Variants in NRG3 observed in about 807,000 individuals in gnomAD.
NRG3 encodes the protein neuregulin 3.
NRG3 carries 31 observed loss-of-function variants against 66.9 expected under a neutral mutation model. The observed-to-expected ratio is 0.46, with a 90% CI of 0.35 to 0.63. NRG3 has a LOEUF of 0.63. Among genes scored for constraint, NRG3 ranks in the 20% least tolerant of loss-of-function variants. The pLI is 0.00. For synonymous variants in NRG3, 393 were observed against 359.4 expected (o/e 1.09, Z -1.06); for missense variants, 910 against 878.9 (o/e 1.04, Z -0.45).
At chr10:82,825,237 T>C (rs1313609565) in intron 3 of NRG3, among the ~76,000 whole-genome samples, 1 of 152,204 alleles carries the variant, frequency 6.6e-6, no homozygotes, top group African/African-American at 2.4e-5. Context: ...TAAAAAATCA[T>C]TGCCTAACCC....
chr10:82,116,412 A>G (rs977207953), intron 1 of NRG3, among the ~76,000 whole-genome samples: 1 of 152,126 alleles, frequency 6.6e-6, no homozygotes, highest in Non-Finnish European at 1.5e-5. Flanking sequence ...CTTTACAGGA[A>G]TAGGAAGTGC....
At chr10:82,901,178 A>G (rs1229849689) in intron 4 of NRG3, among the ~76,000 whole-genome samples, 2 of 152,210 alleles carry the variant, frequency 1.3e-5, no homozygotes, top group Admixed American at 6.5e-5. Flanking sequence ...TGAGTGTTTT[A>G]ATATGTCAGG....
At chr10:82,493,537 A>T (rs7099818) in intron 2 of NRG3, among the ~76,000 whole-genome samples, 1 of 152,282 alleles carries the variant, frequency 6.6e-6, no homozygotes, top group East Asian at 1.9e-4. Flanking sequence ...TCACTGATGG[A>T]CATTTGGGTT....
chr10:82,382,980 G>A (rs2085720087), intron 2 of NRG3, among the ~76,000 whole-genome samples: 1 of 151,912 alleles, frequency 6.6e-6, no homozygotes, highest in East Asian at 1.9e-4. Context: ...TAGTGAGATT[G>A]GCCTGGCCTA....
rs544144014 is a variant in NRG3 at position 82,086,270 on chromosome 10, G to C, written c.823+210107G>C. ...TTTTCTTTTTGAACTTCCTCTACGA[G>C]AGTTTTAAAGTAAGTTATCCATATT... On this transcript the variant is annotated intron_variant, in intron 1 of 8. Transcript: ENST00000372141. Among the ~76,000 whole-genome samples the C allele has an allele frequency of 5.9e-5, 9 of 152,198 alleles. No homozygotes were observed. In the East Asian group the frequency reaches 1.4e-3, roughly 23 times the overall value.
At chr10:82,509,731 T>C (rs1286586983) in intron 2 of NRG3, among the ~76,000 whole-genome samples, 1 of 152,160 alleles carries the variant, frequency 6.6e-6, no homozygotes, top group Non-Finnish European at 1.5e-5. Context: ...ACACATAGGA[T>C]TATTGAATTC....
intron 2 of NRG3, among the ~76,000 whole-genome samples, chr10:82,455,927 T>C (rs978998943): frequency 5.9e-5 from 9 of 152,102 alleles, no homozygotes; most frequent in Admixed American, 3.9e-4. Context: ...TAGATTACAC[T>C]AAACTTATTT....
intron 1 of NRG3, chr10:82,230,064 G>A (rs2076380341): frequency 6.6e-6 from 1 of 152,114 alleles, no homozygotes; most frequent in African/African-American, 2.4e-5. Context: ...CGAATATATG[G>A]AGAAAAAAAA....
intron 3 of NRG3, among the ~76,000 whole-genome samples, chr10:82,828,156 A>G (rs1458252614): frequency 1.3e-5 from 2 of 152,152 alleles, no homozygotes; most frequent in Non-Finnish European, 2.9e-5. Context: ...AGGAGGGTTC[A>G]GCCAAGCCAT....
intron 1 of NRG3, among the ~76,000 whole-genome samples, chr10:82,156,218 A>G (rs562813824): frequency 8.4e-4 from 128 of 151,764 alleles, no homozygotes; most frequent in Non-Finnish European, 1.6e-3. Context: ...AAGTATATCA[A>G]TCTACACTTA....
rs921298532 is a variant in NRG3 at position 82,615,350 on chromosome 10, A to G, written c.954-123227A>G. Among the ~76,000 whole-genome samples, 3 of 152,208 alleles carry G rather than the reference A, an allele frequency of 2.0e-5. No individual in the cohort carries two copies. The South Asian group carries it at 6.2e-4, about 31-fold the overall frequency. On this transcript the variant is annotated intron_variant, in intron 2 of 8. Coordinates refer to ENST00000372141, the MANE Select transcript of NRG3 (RefSeq NM_001010848.4). ...GTATTCCACTGAAGATGCATGGAAT[A>G]TAATTGTATATTCATTATAATTGAA...
intron 2 of NRG3, among the ~76,000 whole-genome samples, chr10:82,375,939 A>T (rs912114447): frequency 2.6e-5 from 4 of 152,256 alleles, no homozygotes; most frequent in African/African-American, 7.2e-5. Context: ...TAGCTGTTCT[A>T]TGTGTTGAAG....
At chr10:82,002,670 A>G (rs541870385) in intron 1 of NRG3, among the ~76,000 whole-genome samples, 1 of 152,170 alleles carries the variant, frequency 6.6e-6, no homozygotes, top group Non-Finnish European at 1.5e-5. Context: ...GTTAAATATT[A>G]TATGGTTTTG....
intron 2 of NRG3, among the ~76,000 whole-genome samples, chr10:82,387,094 C>G (rs549449948): frequency 6.6e-6 from 1 of 152,222 alleles, no homozygotes; most frequent in African/African-American, 2.4e-5. Context: ...GCCACCGCAC[C>G]CAGCCTTGAC....
intron 2 of NRG3, among the ~76,000 whole-genome samples, chr10:82,522,470 A>C (rs541992541): frequency 1.1e-4 from 16 of 152,194 alleles, no homozygotes; most frequent in African/African-American, 1.4e-4. Flanking sequence ...CACAATAATA[A>C]CATCAAAAAT....
intron 1 of NRG3, among the ~76,000 whole-genome samples, chr10:82,078,071 TTCTC>T (rs2065186979): frequency 6.6e-6 from 1 of 152,150 alleles, no homozygotes; most frequent in Admixed American, 6.5e-5. Context: ...CACTGTTTCT[TTCTC>T]TCTGTCTCTG....
intron 1 of NRG3, among the ~76,000 whole-genome samples, chr10:82,150,414 C>T (rs1317185422): frequency 6.6e-6 from 1 of 151,668 alleles, no homozygotes; most frequent in Non-Finnish European, 1.5e-5. Context: ...ATCCCCCCGC[C>T]AACTCCGCCC....
At chr10:82,978,890 A>G (rs1051036702) in intron 7 of NRG3, 60 bp from the exon 8 acceptor site, 1 of 1,546,544 alleles carries the variant, frequency 6.5e-7, no homozygotes, top group East Asian at 2.3e-5. Flanking sequence ...GCCACCTGTG[A>G]GGTTATTGCT....
intron 2 of NRG3, among the ~76,000 whole-genome samples, chr10:82,545,787 T>C (rs1298013392): frequency 1.4e-5 from 2 of 138,600 alleles, no homozygotes; most frequent in Non-Finnish European, 3.1e-5. Flanking sequence ...TCAACTCTTT[T>C]TTTTTTTTTT....
Sources: allele counts gnomAD v4.1 joint callset (sites outside exome capture counted in the v4.1 genomes callset), GRCh38; gene constraint gnomAD v4.1.1; transcripts MANE v1.5; gene names NCBI Gene and HGNC (gene_info 2026-07-23, HGNC 2026-07-21).